PCCA: variants seen among roughly 807,000 people sequenced by gnomAD.
PCCA encodes propionyl-CoA carboxylase subunit alpha, also known as propionyl-CoA carboxylase alpha chain, mitochondrial.
In PCCA, 74 loss-of-function variants were observed where a neutral mutation model predicts 101.3. The ratio of observed to expected loss-of-function variants is 0.73; its 90% CI spans 0.61 to 0.89. PCCA has a LOEUF of 0.89. PCCA is among the 40% of genes least tolerant of loss of function. The pLI, the probability that PCCA is intolerant of heterozygous loss-of-function variation, is 0.00. For missense variants in PCCA, 891 were observed against 907.0 expected, an observed-to-expected ratio of 0.98 and a Z score of 0.23; for synonymous variants, 294 against 313.6, an observed-to-expected ratio of 0.94 and a Z score of 0.66.
At position 100,341,584 on chromosome 13, in the gene PCCA, A is replaced by C. The variant is rs374938923; in HGVS notation, c.1643+1325A>C. Among the ~76,000 whole-genome samples the C allele has an allele frequency of 6.6e-5, 10 of 152,312 alleles. No homozygotes were observed. The South Asian group carries it at 1.9e-3, about 28-fold the overall frequency. ...ACTGGGCAACTCTAAGAGGCTTTCC[A>C]CCACAGCAGGTGTGTTTCCATCAAG... On this transcript the variant is annotated intron_variant, in intron 18 of 23. Coordinates refer to ENST00000376285, the MANE Select transcript of PCCA (RefSeq NM_000282.4).
At chr13:100,449,175 GT>G in intron 20 of PCCA, 76 bp from the exon 21 acceptor site, 4 of 844,146 alleles carry the variant, frequency 4.7e-6, no homozygotes, top group African/African-American at 1.7e-5. Context: ...GGACATTTGG[GT>G]TTTTTGGCTA....
intron 10 of PCCA, among the ~76,000 whole-genome samples, chr13:100,264,053 G>A (rs1050361187): frequency 1.5e-5 from 2 of 136,072 alleles, no homozygotes; most frequent in Non-Finnish European, 3.2e-5. Context: ...TCTGTATATC[G>A]TATATATACG....
intron 20 of PCCA, among the ~76,000 whole-genome samples, chr13:100,440,868 A>T (rs2080319893): frequency 6.6e-6 from 1 of 152,200 alleles, no homozygotes; most frequent in Admixed American, 6.5e-5. Flanking sequence ...TCCTTTTTAC[A>T]TTCCTGACAT....
intron 7 of PCCA, 107 bp from the exon 8 acceptor site, chr13:100,235,735 A>G: frequency 1.3e-6 from 1 of 775,822 alleles, no homozygotes. Flanking sequence ...AGTAAAATTG[A>G]ACATTAAATG....
chr13:100,408,240 G>A (rs1181870453), intron 19 of PCCA, among the ~76,000 whole-genome samples: 3 of 152,160 alleles, frequency 2.0e-5, no homozygotes, highest in African/African-American at 7.2e-5. Flanking sequence ...TAAGAGCATG[G>A]TTATATGTCC....
intron 23 of PCCA, among the ~76,000 whole-genome samples, 195 bp from the exon 24 acceptor site, chr13:100,529,903 C>T (rs1007713390): frequency 6.6e-6 from 1 of 152,106 alleles, no homozygotes; most frequent in Non-Finnish European, 1.5e-5. Context: ...GAGTGAGCCA[C>T]GGCCACGGCC....
chr13:100,326,367 A>G (rs2068683827), intron 16 of PCCA, among the ~76,000 whole-genome samples: 1 of 152,214 alleles, frequency 6.6e-6, no homozygotes, highest in South Asian at 2.1e-4. Flanking sequence ...AAGACATAGA[A>G]GAAGCAGTGC....
At chr13:100,192,552 T>C (rs1456538282) in intron 6 of PCCA, among the ~76,000 whole-genome samples, 1 of 152,178 alleles carries the variant, frequency 6.6e-6, no homozygotes, top group Non-Finnish European at 1.5e-5. Flanking sequence ...TATTATTCTC[T>C]GATGATCAAA....
chr13:100,492,856 G>C (rs970188641), intron 21 of PCCA, among the ~76,000 whole-genome samples: 5 of 151,594 alleles, frequency 3.3e-5, no homozygotes, highest in African/African-American at 1.2e-4. Context: ...CCAAACTCCA[G>C]GGGAAAGATC....
At chr13:100,179,364 G>T (rs2056560488) in intron 6 of PCCA, among the ~76,000 whole-genome samples, 2 of 151,964 alleles carry the variant, frequency 1.3e-5, no homozygotes, top group Non-Finnish European at 2.9e-5. Context: ...GATGATTTCT[G>T]CATTTTACTG....
At chr13:100,444,231 T>A (rs1359106001) in intron 20 of PCCA, among the ~76,000 whole-genome samples, 1 of 149,228 alleles carries the variant, frequency 6.7e-6, no homozygotes, top group Non-Finnish European at 1.5e-5. Flanking sequence ...AGACGGTGTC[T>A]CGCTCTGTCT....
At chr13:100,421,049 A>G (rs565658617) in intron 19 of PCCA, among the ~76,000 whole-genome samples, 2 of 152,274 alleles carry the variant, frequency 1.3e-5, no homozygotes, top group East Asian at 3.9e-4. Context: ...TCTACTAACA[A>G]TGCAAAAATT....
At position 100,301,532 on chromosome 13, in the gene PCCA, T is replaced by C. The variant is rs1303977643; in HGVS notation, c.1138T>C (p.Tyr380His). The change falls in exon 13 of 24, where the codon TAC (tyrosine) becomes CAC (histidine). Residue 380 changes from tyrosine to histidine, a missense_variant. Physicochemically the swap from Tyr to His is moderately conservative, Grantham distance 83. Coordinates refer to ENST00000376285, the MANE Select transcript of PCCA (RefSeq NM_000282.4). ...VQEMIRVAKG[Y>H]PLRHKQADIR... ...GGAAATGATCCGTGTTGCTAAGGGC[T>C]ACCCTCTCAGGCACAAACAAGCTGA... 1.4e-5 allele frequency: 22 copies of C among 1,614,112 alleles called. No individual in the cohort carries two copies. The highest frequency in any genetic ancestry group is 1.9e-5 in the Non-Finnish European group (22 of 1,179,962).
chr13:100,490,672 A>G (rs1050569978), intron 21 of PCCA: 1 of 152,250 alleles, frequency 6.6e-6, no homozygotes, highest in African/African-American at 2.4e-5. Context: ...TTCCAGTTTT[A>G]GCACATTTCC....
chr13:100,226,302 T>C (rs990939071), intron 7 of PCCA, among the ~76,000 whole-genome samples: 1 of 152,188 alleles, frequency 6.6e-6, no homozygotes, highest in Non-Finnish European at 1.5e-5. Context: ...TTATTATTTT[T>C]TTTTAATAAA....
At chr13:100,189,781 A>G (rs868258960) in intron 6 of PCCA, among the ~76,000 whole-genome samples, 2 of 152,358 alleles carry the variant, frequency 1.3e-5, no homozygotes, top group Middle Eastern at 3.4e-3. Context: ...AAGTGCTGGG[A>G]TTACAGGCAT....
At chr13:100,401,669 A>G (rs1450700042) in intron 19 of PCCA, among the ~76,000 whole-genome samples, 1 of 151,584 alleles carries the variant, frequency 6.6e-6, no homozygotes, top group Non-Finnish European at 1.5e-5. Flanking sequence ...TTTCCTTACT[A>G]GTTTTCAGTT....
intron 21 of PCCA, chr13:100,491,558 C>A: frequency 1.5e-6 from 1 of 649,504 alleles, no homozygotes; most frequent in African/African-American, 1.9e-5. Flanking sequence ...TGACTCACTG[C>A]AAACAGCTGC....
intron 4 of PCCA, among the ~76,000 whole-genome samples, chr13:100,135,618 G>T (rs1427646696): frequency 1.3e-5 from 2 of 151,842 alleles, no homozygotes; most frequent in Non-Finnish European, 2.9e-5. Flanking sequence ...GAGACAGTTC[G>T]ATTTTTTTTT....
Sources: gnomAD v4.1 joint callset for allele counts (sites outside exome capture counted in the v4.1 genomes callset) on GRCh38, gnomAD v4.1.1 for gene constraint, MANE v1.5 for transcripts, NCBI Gene and HGNC (gene_info 2026-07-23, HGNC 2026-07-21) for gene names.